SKAP1: variants seen among roughly 807,000 people sequenced by gnomAD.
SKAP1 encodes the protein src kinase associated phosphoprotein 1.
Under a neutral mutation model 58.5 loss-of-function variants are expected in SKAP1, and 44 were observed. That is an observed-to-expected ratio of 0.75 (90% CI 0.59 to 0.97). The LOEUF (loss-of-function observed/expected upper bound fraction) is 0.97, where lower values mean the gene tolerates loss of function less well. Among genes scored for constraint, SKAP1 ranks in the 50% least tolerant of loss-of-function variants. The pLI, the probability that SKAP1 is intolerant of heterozygous loss-of-function variation, is 0.00. For synonymous variants in SKAP1, 127 were observed against 149.7 expected, an observed-to-expected ratio of 0.85 and a Z score of 1.11; for missense variants, 390 against 435.2, an observed-to-expected ratio of 0.90 and a Z score of 0.92.
At chr17:48,263,610 C>G (rs1163914907) in intron 4 of SKAP1, among the ~76,000 whole-genome samples, 1 of 152,126 alleles carries the variant, frequency 6.6e-6, no homozygotes, top group Non-Finnish European at 1.5e-5. Flanking sequence ...TTTAGCCAAG[C>G]TAACCTGAGC....
intron 1 of SKAP1, among the ~76,000 whole-genome samples, chr17:48,410,648 C>T (rs1241531177): frequency 2.0e-5 from 3 of 151,806 alleles, no homozygotes; most frequent in African/African-American, 7.3e-5. Context: ...CGCAGGAGGT[C>T]GGGCGTAGTG....
rs118019872 is a variant in SKAP1, at chr17:48,201,853, T to C, written c.281-12353A>G. ...GAATAACTGATTACTCTTTAGGAAA[T>C]AGCTATTGATAGCAACTTCTGAGCT... On this transcript the variant is annotated intron_variant, in intron 4 of 12. Transcript: ENST00000336915. 6.6e-5 allele frequency among the ~76,000 whole-genome samples: 10 copies of C among 152,310 alleles called. No individual in the cohort carries two copies. The East Asian group carries it at 1.9e-3, about 29-fold the overall frequency.
chr17:48,232,862 C>T (rs1006910405), intron 4 of SKAP1, among the ~76,000 whole-genome samples: 25 of 152,152 alleles, frequency 1.6e-4, no homozygotes, highest in Admixed American at 1.3e-3. Flanking sequence ...TTCAGGATTT[C>T]GCAGAATAAT....
chr17:48,295,587 T>C (rs2065957406), intron 4 of SKAP1: 2 of 151,796 alleles, frequency 1.3e-5, no homozygotes, highest in Non-Finnish European at 2.9e-5. Flanking sequence ...GTCTTCAGTT[T>C]CCAAAGCCTC....
chr17:48,222,612 T>C (rs1378295090), intron 4 of SKAP1, among the ~76,000 whole-genome samples: 1 of 151,926 alleles, frequency 6.6e-6, no homozygotes, highest in Non-Finnish European at 1.5e-5. Flanking sequence ...CCTGAGTATC[T>C]GGGATTACAG....
At chr17:48,289,741 T>C (rs2065877084) in intron 4 of SKAP1, among the ~76,000 whole-genome samples, 2 of 151,972 alleles carry the variant, frequency 1.3e-5, no homozygotes, top group African/African-American at 2.4e-5. Context: ...TTAGAACACA[T>C]CCTTTCAGTA....
chr17:48,159,486 A>G (rs2064038420), intron 11 of SKAP1, among the ~76,000 whole-genome samples: 1 of 152,208 alleles, frequency 6.6e-6, no homozygotes, highest in Non-Finnish European at 1.5e-5. Flanking sequence ...GAAAAGTAAA[A>G]TAGAGCTTTC....
In SKAP1 at chr17:48,345,921, T is replaced by G. The variant is rs531889385; in HGVS notation, c.264A>C (p.Ser88=). The change falls in exon 4 of 13, where the codon TCA becomes TCC. Residue 88 remains serine, a synonymous_variant. Coordinates refer to ENST00000336915, the MANE Select transcript of SKAP1 (RefSeq NM_003726.4). The stretch of plus-strand genomic sequence containing the variant: ...AACACTCACCCTCATCCTGATAATC[T>G]GACAAAAAGGGTGCATCGGATGTGA... The part of the protein sequence containing the change: ...LSLTSDAPFL[S]DYQDEGMEDI... 1.2e-5 allele frequency: 19 copies of G among 1,612,602 alleles called. No homozygotes were observed. The South Asian group carries it at 1.9e-4, about 16-fold the overall frequency.
chr17:48,161,835 A>G (rs371339840), intron 11 of SKAP1, among the ~76,000 whole-genome samples: 1 of 152,380 alleles, frequency 6.6e-6, no homozygotes, highest in East Asian at 1.9e-4. Context: ...CAATAGTATT[A>G]CATGGTAATA....
intron 2 of SKAP1, among the ~76,000 whole-genome samples, chr17:48,364,590 G>A (rs1200959774): frequency 6.6e-6 from 1 of 152,034 alleles, no homozygotes; most frequent in Non-Finnish European, 1.5e-5. Context: ...CAGGAGAATC[G>A]CTTGAACCCA....
At chr17:48,156,534 G>A in intron 11 of SKAP1, 1 of 520,016 alleles carries the variant, frequency 1.9e-6, no homozygotes, top group Non-Finnish European at 4.0e-6. Flanking sequence ...TCCCTCACCA[G>A]AAAAAGCTGT....
chr17:48,176,968 G>A (rs1284457042), intron 9 of SKAP1, among the ~76,000 whole-genome samples: 6 of 152,122 alleles, frequency 3.9e-5, no homozygotes, highest in African/African-American at 7.2e-5. Flanking sequence ...TAGCAGAACC[G>A]TCAATGTTAA....
Position 48,133,700 on chromosome 17 carries a change from G to C in SKAP1, c.*124C>G, listed in dbSNP as rs2063666222. The C allele has an allele frequency of 6.6e-6, 1 of 152,520 alleles. No individual in the cohort carries two copies. The highest frequency in any genetic ancestry group is 2.1e-4 in the South Asian group (1 of 4,830). 9.4% of individuals were successfully genotyped at this position (152,520 alleles called of 1,614,324 possible). A position where few individuals can be genotyped will look rare whatever the true frequency, so the allele number is the denominator to read the frequency against. On this transcript the variant is annotated 3_prime_UTR_variant, in exon 13 of 13. Transcript: ENST00000336915. ...GTCACTCTGAGGTGTCAAGAGACTT[G>C]GGTCTCTTCAGCAAAGAGAGGAGTC... is the stretch of plus-strand genomic sequence containing the variant.
chr17:48,210,349 A>G (rs1468541061), intron 4 of SKAP1, among the ~76,000 whole-genome samples: 1 of 152,134 alleles, frequency 6.6e-6, no homozygotes, highest in Non-Finnish European at 1.5e-5. Context: ...GATTATCTGG[A>G]GTGGGGCTGA....
chr17:48,285,406 G>A (rs2065817875), intron 4 of SKAP1, among the ~76,000 whole-genome samples: 1 of 152,188 alleles, frequency 6.6e-6, no homozygotes, highest in Non-Finnish European at 1.5e-5. Flanking sequence ...CACGAGGTCA[G>A]GAGTTGGAGA....
chr17:48,190,105 T>A (rs1002899455), intron 4 of SKAP1, among the ~76,000 whole-genome samples: 34 of 143,952 alleles, frequency 2.4e-4, no homozygotes, highest in African/African-American at 8.3e-4. Context: ...TCCAGAAAAT[T>A]AAGAATTTTT....
chr17:48,438,868 T>TG, the SKAP1 span, among the ~76,000 whole-genome samples: 2 of 151,976 alleles, frequency 1.3e-5, no homozygotes, highest in African/African-American at 4.8e-5. Flanking sequence ...GGACACGACT[T>TG]GGGGAGTGTG....
rs111636459 is a variant in SKAP1, at chr17:48,347,496, T to C, written c.179-1490A>G. Among the ~76,000 whole-genome samples, 607 of 152,306 alleles carry C rather than the reference T, an allele frequency of 4.0e-3. 8 individuals carry two copies. Among genetic ancestry groups the C allele is most frequent in the African/African-American group, 0.014 (581 of 41,562 alleles). On this transcript the variant is annotated intron_variant, in intron 3 of 12. Coordinates refer to ENST00000336915, the MANE Select transcript of SKAP1 (RefSeq NM_003726.4). Reference sequence around the variant, plus strand: ...TTTCCATAAATTAGATGATCATATCTAGACTCTTCTTCAAATGCTGTATGG... The same window carrying C: ...TTTCCATAAATTAGATGATCATATCCAGACTCTTCTTCAAATGCTGTATGG...
chr17:48,435,161 ATTTC>A (rs1899820294), upstream of SKAP1, among the ~76,000 whole-genome samples: 1 of 150,990 alleles, frequency 6.6e-6, no homozygotes, highest in Non-Finnish European at 1.5e-5. Flanking sequence ...AAATAGTAAC[ATTTC>A]TTTCTTTCTT....
Sources: allele counts gnomAD v4.1 joint callset (sites outside exome capture counted in the v4.1 genomes callset), GRCh38; gene constraint gnomAD v4.1.1; transcripts MANE v1.5; gene names NCBI Gene and HGNC (gene_info 2026-07-23, HGNC 2026-07-21).